The following FAM78B variants were observed in gnomAD, a reference collection of about 807,000 sequenced individuals.
FAM78B encodes family with sequence similarity 78 member B, also known as protein FAM78B.
FAM78B carries 10 observed loss-of-function variants against 20.0 expected under a neutral mutation model. The ratio of observed to expected loss-of-function variants is 0.50; its 90% CI spans 0.31 to 0.85. FAM78B has a LOEUF of 0.85. Among genes scored for constraint, FAM78B ranks in the 40% least tolerant of loss-of-function variants. FAM78B has a pLI of 0.05. For synonymous variants in FAM78B, 135 were observed against 132.8 expected, an observed-to-expected ratio of 1.02 and a Z score of -0.12; for missense variants, 283 against 345.0, an observed-to-expected ratio of 0.82 and a Z score of 1.42.
At chr1:166,094,150 C>T (rs1653184675) in intron 1 of FAM78B, among the ~76,000 whole-genome samples, 1 of 151,918 alleles carries the variant, frequency 6.6e-6, no homozygotes, top group South Asian at 2.1e-4. Flanking sequence ...CCGAATGCAA[C>T]CCCGGAGCAG....
At chr1:166,060,656 T>C (rs1368780968) in exon 3 of FAM78B, 5 of 1,287,974 alleles carry the variant, frequency 3.9e-6, no homozygotes, top group Non-Finnish European at 5.1e-6. Flanking sequence ...CTTGTCCTAC[T>C]AGGAGACCTG....
chr1:166,131,368 C>T (rs987958312), intron 1 of FAM78B, among the ~76,000 whole-genome samples: 1 of 152,006 alleles, frequency 6.6e-6, no homozygotes, highest in African/African-American at 2.4e-5. Flanking sequence ...TGTCAGAAGC[C>T]CAGCAGGCAG....
At position 166,145,107 on chromosome 1, in the gene FAM78B, T is replaced by A. The variant is rs78447419; in HGVS notation, c.263+20879A>T. On this transcript the variant is annotated intron_variant, in intron 1 of 1. Coordinates refer to ENST00000354422, the MANE Select transcript of FAM78B (RefSeq NM_001017961.5). ...GGAAATGCCCTCAACTTGGGTCAGG[T>A]CTATTCCAGTCATGGTAAAGATTGT... 1.1e-3 allele frequency among the ~76,000 whole-genome samples: 173 copies of A among 152,162 alleles called. 4 individuals are homozygous for A. The East Asian group carries it at 0.026, about 23-fold the overall frequency.
rs551730966 is a variant in FAM78B at position 166,164,995 on chromosome 1, A to G, written c.263+991T>C. ...TCTGAAAGGAGGCGGGTGCGGAGTT[A>G]TGAAAATTTGGTAAATATAAAAGTC... On this transcript the variant is annotated intron_variant, in intron 1 of 1. Transcript: ENST00000354422. The G allele has an allele frequency of 2.6e-5, 4 of 152,280 alleles. No individual in the cohort carries two copies. In the East Asian group the frequency reaches 7.7e-4, roughly 29 times the overall value. The allele number at this position is 152,280 out of a possible 1,614,324, so 9.4% of individuals were successfully genotyped here.
chr1:166,102,004 T>G (rs989715123), intron 1 of FAM78B, among the ~76,000 whole-genome samples: 4 of 152,130 alleles, frequency 2.6e-5, no homozygotes, highest in Non-Finnish European at 5.9e-5. Context: ...GACTAACAGC[T>G]GAACTCTCGG....
At chr1:166,091,725 T>C in intron 1 of FAM78B, among the ~76,000 whole-genome samples, 1 of 152,194 alleles carries the variant, frequency 6.6e-6, no homozygotes, top group East Asian at 1.9e-4. Flanking sequence ...AAGGTAACCA[T>C]AACCAGATAT....
intron 1 of FAM78B, among the ~76,000 whole-genome samples, chr1:166,154,067 C>T (rs1655797229): frequency 6.6e-6 from 1 of 152,248 alleles, no homozygotes; most frequent in Non-Finnish European, 1.5e-5. Context: ...TAGGATATCC[C>T]TCTCAGACTT....
chr1:166,122,320 T>C (rs1654494740), intron 1 of FAM78B, among the ~76,000 whole-genome samples: 1 of 152,158 alleles, frequency 6.6e-6, no homozygotes, highest in Non-Finnish European at 1.5e-5. Flanking sequence ...GTAGGGTTTC[T>C]AACAGCCAGT....
intron 1 of FAM78B, among the ~76,000 whole-genome samples, chr1:166,165,748 C>A (rs777097715): frequency 6.6e-6 from 1 of 152,170 alleles, no homozygotes; most frequent in Non-Finnish European, 1.5e-5. Flanking sequence ...CCTTTCTCCT[C>A]GCGTTTCTGG....
chr1:166,133,349 T>C lies in FAM78B; in HGVS notation c.263+32637A>G, dbSNP rs1029892388. ...AGAAGAGAGGATACCTGTTATTGTG[T>C]AACTTTAGGTTTAGAGTTACATTTT... On this transcript the variant is annotated intron_variant, in intron 1 of 1. Transcript: ENST00000354422. Among the ~76,000 whole-genome samples, 4 of 152,208 alleles carry C rather than the reference T, an allele frequency of 2.6e-5. No individual in the cohort carries two copies. In the South Asian group the frequency reaches 6.2e-4, roughly 24 times the overall value.
chr1:166,105,525 C>G (rs751875182), intron 1 of FAM78B, among the ~76,000 whole-genome samples: 2 of 152,082 alleles, frequency 1.3e-5, no homozygotes, highest in Non-Finnish European at 2.9e-5. Flanking sequence ...AGCAAACAAC[C>G]CCATCAACAA....
chr1:166,086,384 C>T (rs1011168445), intron 1 of FAM78B, among the ~76,000 whole-genome samples: 32 of 152,144 alleles, frequency 2.1e-4, no homozygotes, highest in African/African-American at 7.2e-4. Flanking sequence ...CTGGAGCAGT[C>T]ATTTCTCTCA....
intron 1 of FAM78B, among the ~76,000 whole-genome samples, chr1:166,090,344 A>G (rs1394122810): frequency 6.6e-6 from 1 of 152,238 alleles, no homozygotes; most frequent in Non-Finnish European, 1.5e-5. Context: ...ACACTGACAC[A>G]TGAACCTTCT....
At chr1:166,091,951 C>T (rs990069660) in intron 1 of FAM78B, among the ~76,000 whole-genome samples, 3 of 152,020 alleles carry the variant, frequency 2.0e-5, no homozygotes, top group African/African-American at 7.2e-5. Flanking sequence ...CGTTTTCTAC[C>T]ACACTACCCC....
chr1:166,160,423 G>A (rs1359194904), intron 1 of FAM78B, among the ~76,000 whole-genome samples: 1 of 152,238 alleles, frequency 6.6e-6, no homozygotes, highest in Non-Finnish European at 1.5e-5. Context: ...ACGAGAGCAA[G>A]GCTTCGGTGT....
intron 1 of FAM78B, among the ~76,000 whole-genome samples, chr1:166,146,746 G>A (rs991326545): frequency 1.3e-5 from 2 of 152,198 alleles, no homozygotes; most frequent in Non-Finnish European, 2.9e-5. Flanking sequence ...TAGATAATGA[G>A]TCTTAGGGAA....
At chr1:166,124,943 AC>A (rs201708272) in intron 1 of FAM78B, among the ~76,000 whole-genome samples, 3,283 of 152,278 alleles carry the variant, frequency 0.022, 41 homozygotes, top group Admixed American at 0.038. Flanking sequence ...AGTACCCTAC[AC>A]CCACCAGGTC....
intron 1 of FAM78B, among the ~76,000 whole-genome samples, chr1:166,111,007 A>T (rs1009665053): frequency 6.6e-6 from 1 of 152,218 alleles, no homozygotes; most frequent in Non-Finnish European, 1.5e-5. Context: ...TGGGGTGAAT[A>T]AAATGACCAA....
In FAM78B at chr1:166,073,663, T is replaced by C. The variant is rs1301067390; in HGVS notation, c.264-2900A>G. Among the ~76,000 whole-genome samples the C allele has an allele frequency of 2.6e-5, 4 of 152,138 alleles. No individual in the cohort carries two copies. The East Asian group carries it at 7.7e-4, about 29-fold the overall frequency. ...TGAAAAGTTCCAAGAACAGTAGCAC[T>C]ATTTGAGTCACTCAATGACCATTTA... On this transcript the variant is annotated intron_variant, in intron 1 of 1. Transcript: ENST00000354422.
Sources: gnomAD v4.1 joint callset for allele counts (sites outside exome capture counted in the v4.1 genomes callset) on GRCh38, gnomAD v4.1.1 for gene constraint, MANE v1.5 for transcripts, NCBI Gene and HGNC (gene_info 2026-07-23, HGNC 2026-07-21) for gene names.